Variants in ALDH8A1 observed in about 807,000 individuals in gnomAD.
ALDH8A1 encodes 2-aminomuconic semialdehyde dehydrogenase.
ALDH8A1 carries 39 observed loss-of-function variants against 43.3 expected under a neutral mutation model. The observed-to-expected ratio is 0.90, with a 90% confidence interval of 0.70 to 1.18. The LOEUF (loss-of-function observed/expected upper bound fraction) is 1.18, where lower values mean the gene tolerates loss of function less well. Ranked by LOEUF, ALDH8A1 falls within the 50% of genes most tolerant of loss-of-function variation. The pLI is 0.00. For synonymous variants in ALDH8A1, 233 were observed against 243.5 expected (o/e 0.96, Z 0.40); for missense variants, 605 against 622.6 (o/e 0.97, Z 0.30).
In ALDH8A1 at chr6:134,918,596, A is replaced by G; in HGVS notation, c.1283T>C (p.Val428Ala). The G allele has an allele frequency of 1.2e-6, 2 of 1,614,092 alleles. No individual in the cohort carries two copies. Among genetic ancestry groups the G allele is most frequent in the Non-Finnish European group, 1.7e-6 (2 of 1,179,996 alleles). Residue 428 changes from valine (V) to alanine (A), a missense_variant, in exon 7 of 7, where the codon GTG becomes GCG. By Grantham distance (64) the Val-to-Ala change is moderately conservative (BLOSUM62 0). Transcript: ENST00000265605. ...CTTAGCCACCCGGTGGACGCGCCCC[A>G]CATTGCTGGACCACACGGTAGCCGC... ...GLAATVWSSN[V>A]GRVHRVAKKL...
chr6:134,937,530 T>C (rs1287175457), intron 4 of ALDH8A1, among the ~76,000 whole-genome samples: 2 of 152,182 alleles, frequency 1.3e-5, no homozygotes, highest in Admixed American at 6.5e-5. Context: ...TGTGCAGAGA[T>C]GGAAACAGAA....
intron 1 of ALDH8A1, among the ~76,000 whole-genome samples, chr6:134,946,133 G>C (rs1773945377): frequency 1.3e-5 from 2 of 152,216 alleles, no homozygotes; most frequent in African/African-American, 4.8e-5. Flanking sequence ...CTTTATAGCA[G>C]TGTTAGAACG....
chr6:134,932,987 C>A lies in ALDH8A1; in HGVS notation c.638G>T (p.Arg213Met), dbSNP rs1777012794. The A allele has an allele frequency of 1.9e-6, 3 of 1,608,694 alleles. No homozygotes were observed. Among genetic ancestry groups the A allele is most frequent in the Non-Finnish European group, 2.5e-6 (3 of 1,177,372 alleles). ...VVNIVFGTGP[R>M]VGEALVSHPE... Reference sequence around the variant, plus strand: ...GTGGGACACCAGGGCCTCACCCACCCTGGGCCCGGTTCCAAACACAATATT... The same window carrying A: ...GTGGGACACCAGGGCCTCACCCACCATGGGCCCGGTTCCAAACACAATATT... Residue 213 changes from arginine to methionine, a missense_variant, in exon 5 of 7, where the codon AGG becomes ATG. Arg to Met is a moderately conservative substitution (Grantham distance 91). Transcript: ENST00000265605.
At position 134,919,918 on chromosome 6, in the gene ALDH8A1, C is replaced by CT. The variant is rs536451790; in HGVS notation, c.1012-1052dup. On this transcript the variant is annotated intron_variant, in intron 6 of 6. Coordinates refer to ENST00000265605, the MANE Select transcript of ALDH8A1 (RefSeq NM_022568.4). ...AATTAATAAGCCATGAAGTTAAAGA[C>CT]TTTTTTTACAGACAATGTCTCACTC... is the stretch of plus-strand genomic sequence containing the variant. Among the ~76,000 whole-genome samples the CT allele has an allele frequency of 3.0e-4, 46 of 152,198 alleles. No homozygotes were observed. In the East Asian group the frequency reaches 7.7e-3, roughly 26 times the overall value.
intron 4 of ALDH8A1, among the ~76,000 whole-genome samples, chr6:134,936,171 G>A (rs1485361638): frequency 1.3e-5 from 2 of 152,172 alleles, no homozygotes; most frequent in Non-Finnish European, 2.9e-5. Flanking sequence ...GGTTGGTCTT[G>A]AACTCCTGAC....
At chr6:134,948,282 A>C (rs979818205) in intron 1 of ALDH8A1, among the ~76,000 whole-genome samples, 14 of 152,178 alleles carry the variant, frequency 9.2e-5, no homozygotes, top group Admixed American at 9.2e-4. Flanking sequence ...TTGGCTAATT[A>C]ATACAAAAAT....
At chr6:134,947,711 G>A (rs1773976732) in intron 1 of ALDH8A1, among the ~76,000 whole-genome samples, 1 of 151,804 alleles carries the variant, frequency 6.6e-6, no homozygotes, top group Non-Finnish European at 1.5e-5. Flanking sequence ...TCTCATCCCA[G>A]TTAAAATGGT....
intron 1 of ALDH8A1, among the ~76,000 whole-genome samples, chr6:134,945,988 G>A (rs1339187694): frequency 1.3e-5 from 2 of 152,230 alleles, no homozygotes; most frequent in South Asian, 4.1e-4. Context: ...GCCTTCACAC[G>A]CTGTCTCGCC....
At chr6:134,934,505 C>T (rs750266970) in intron 4 of ALDH8A1, among the ~76,000 whole-genome samples, 2 of 152,138 alleles carry the variant, frequency 1.3e-5, no homozygotes, top group African/African-American at 2.4e-5. Flanking sequence ...GCTGACTTCC[C>T]GAGGATACGT....
At chr6:134,936,669 G>C (rs1177331045) in intron 4 of ALDH8A1, among the ~76,000 whole-genome samples, 1 of 152,200 alleles carries the variant, frequency 6.6e-6, no homozygotes, top group Non-Finnish European at 1.5e-5. Flanking sequence ...ACAGTAAAAT[G>C]CGCTCACTGC....
At chr6:134,936,016 A>T (rs1169980146) in intron 4 of ALDH8A1, among the ~76,000 whole-genome samples, 1 of 151,606 alleles carries the variant, frequency 6.6e-6, no homozygotes, top group African/African-American at 2.4e-5. Context: ...CAAAGGCGCA[A>T]TCTCTGCTCT....
At chr6:134,949,814 T>A in intron 1 of ALDH8A1, 102 bp downstream of exon 1, 1 of 1,344,992 alleles carries the variant, frequency 7.4e-7, no homozygotes, top group Non-Finnish European at 9.9e-7. Context: ...TGTTTAACAA[T>A]CCTACATCTT....
intron 4 of ALDH8A1, among the ~76,000 whole-genome samples, chr6:134,935,966 T>TC (rs1773730758): frequency 6.6e-6 from 1 of 151,692 alleles, no homozygotes; most frequent in South Asian, 2.1e-4. Flanking sequence ...TTTTTTTTTT[T>TC]TTTGAGATGG....
Position 134,932,858 on chromosome 6 carries a change from C to A in ALDH8A1, c.767G>T (p.Gly256Val). 6.2e-7 allele frequency: 1 copy of A among 1,614,170 alleles called. No homozygotes were observed. Among genetic ancestry groups the A allele is most frequent in the Non-Finnish European group, 8.5e-7 (1 of 1,180,020 alleles). ...HCKKLSLELGGKNPAIIFEDA... is the reference protein window; with the variant it reads ...HCKKLSLELGVKNPAIIFEDA... Reference sequence around the variant, plus strand: ...CTCAAAGATGATGGCAGGATTCTTGCCCCCCAGCTCCAGGGAGAGCTTTTT... The same window carrying A: ...CTCAAAGATGATGGCAGGATTCTTGACCCCCAGCTCCAGGGAGAGCTTTTT... The change falls in exon 5 of 7, where the codon GGC becomes GTC. Residue 256 changes from glycine (G) to valine (V), a missense_variant. By Grantham distance (109) the Gly-to-Val change is moderately radical (BLOSUM62 -3). Coordinates refer to ENST00000265605, the MANE Select transcript of ALDH8A1 (RefSeq NM_022568.4).
intron 4 of ALDH8A1, among the ~76,000 whole-genome samples, chr6:134,935,513 T>C (rs2114696249): frequency 6.6e-6 from 1 of 152,300 alleles, no homozygotes; most frequent in African/African-American, 2.4e-5. Flanking sequence ...CTTTATAATA[T>C]CCAAAAAGAA....
intron 6 of ALDH8A1, among the ~76,000 whole-genome samples, chr6:134,925,556 G>A (rs1776868693): frequency 6.6e-6 from 1 of 152,156 alleles, no homozygotes; most frequent in African/African-American, 2.4e-5. Flanking sequence ...TATTGTAACT[G>A]GAACACATCA....
rs760522133 is a variant in ALDH8A1, at chr6:134,942,492, G to C, written c.359C>G (p.Ser120Cys). ...GCACTCTGACGTGTGGTGCAGGCTG[G>C]AGGAAGCGAAGAACCTGAAGTTCTG... The part of the protein sequence containing the change: ...SVQNFRFFAS[S>C]SLHHTSECTQ... The change falls in exon 3 of 7, where the codon TCC becomes TGC. Residue 120 changes from serine (S) to cysteine (C), a missense_variant. Transcript: ENST00000265605. The C allele has an allele frequency of 3.1e-5, 50 of 1,614,226 alleles. No individual in the cohort carries two copies. In the East Asian group the frequency reaches 1.1e-3, roughly 35 times the overall value.
chr6:134,943,835 G>A lies in ALDH8A1; in HGVS notation c.270C>T (p.Ala90=), dbSNP rs770513538. 7 of 1,614,032 alleles carry A rather than the reference G, an allele frequency of 4.3e-6. No individual in the cohort carries two copies. The highest frequency in any genetic ancestry group is 2.2e-5 in the East Asian group (1 of 44,898). The change falls in exon 2 of 7, where the codon GCC becomes GCT. Residue 90 remains alanine (A), a synonymous_variant. Transcript: ENST00000265605. Reference sequence around the variant, plus strand: ...AACTCTCACCTTGGTCTTTAGACTCGGCCTGGGCAAACTCCTCCAGGGACT... The same window carrying A: ...AACTCTCACCTTGGTCTTTAGACTCAGCCTGGGCAAACTCCTCCAGGGACT... ...LEQSLEEFAQ[A]ESKDQGKTLA... is the part of the protein sequence containing the mutation.
intron 6 of ALDH8A1, among the ~76,000 whole-genome samples, chr6:134,926,344 C>T (rs779075331): frequency 1.3e-5 from 2 of 151,614 alleles, no homozygotes; most frequent in African/African-American, 4.8e-5. Flanking sequence ...GGATTACAGG[C>T]GTGCGCCACA....
Sources: gnomAD v4.1 joint callset for allele counts (sites outside exome capture counted in the v4.1 genomes callset) on GRCh38, gnomAD v4.1.1 for gene constraint, MANE v1.5 for transcripts, NCBI Gene and HGNC (gene_info 2026-07-23, HGNC 2026-07-21) for gene names.